The following NSFL1C variants were observed in gnomAD, a reference collection of about 807,000 sequenced individuals.
NSFL1C encodes the protein NSFL1 cofactor.
Under a neutral mutation model 43.1 loss-of-function variants are expected in NSFL1C, and 14 were observed. The ratio of observed to expected loss-of-function variants is 0.32; its 90% CI spans 0.21 to 0.51. The LOEUF is 0.51. Ranked by LOEUF, NSFL1C falls within the 20% of genes least tolerant of loss-of-function variation. NSFL1C has a pLI of 0.98. For missense variants in NSFL1C, 406 were observed against 472.5 expected (o/e 0.86, Z 1.30); for synonymous variants, 171 against 183.5 (o/e 0.93, Z 0.55).
rs191062320 is a variant in NSFL1C, at chr20:1,455,812, C to T, written c.279-680G>A. 2.1e-5 allele frequency: 16 copies of T among 770,592 alleles called. No individual in the cohort carries two copies. The East Asian group carries it at 2.2e-4, about 11-fold the overall frequency. The allele number at this position is 770,592 out of a possible 1,614,324, so 47.7% of individuals were successfully genotyped here. On this transcript the variant is annotated intron_variant, in intron 3 of 8. Transcript: ENST00000216879. Reference sequence around the variant, plus strand: ...ACAGGTAAGGTGGTGTGACACAGCACCAGGAGCTCCCCCAAGCCTCACCTC... The same window carrying T: ...ACAGGTAAGGTGGTGTGACACAGCATCAGGAGCTCCCCCAAGCCTCACCTC...
chr20:1,462,670 T>C (rs2090436610), intron 2 of NSFL1C, among the ~76,000 whole-genome samples: 1 of 152,026 alleles, frequency 6.6e-6, no homozygotes. Flanking sequence ...GACAGGCTCC[T>C]GCCACCACAC....
intron 6 of NSFL1C, 142 bp from the exon 7 acceptor site, chr20:1,452,772 T>A: frequency 1.9e-6 from 2 of 1,028,054 alleles, no homozygotes; most frequent in Non-Finnish European, 2.8e-6. Flanking sequence ...GGTGGCTACC[T>A]GTCTGCCTCC....
At chr20:1,460,691 C>T (rs1309511771) in intron 2 of NSFL1C, among the ~76,000 whole-genome samples, 5 of 152,174 alleles carry the variant, frequency 3.3e-5, no homozygotes, top group Non-Finnish European at 7.3e-5. Flanking sequence ...CACTGTCCAA[C>T]AGAGAAGCCA....
At chr20:1,463,999 C>T (rs938353311) in intron 2 of NSFL1C, 7 of 276,242 alleles carry the variant, frequency 2.5e-5, no homozygotes, top group Admixed American at 1.0e-4. Context: ...TAAACTTTCA[C>T]ATCTATAGCA....
intron 7 of NSFL1C, among the ~76,000 whole-genome samples, chr20:1,447,980 C>A (rs1329036854): frequency 2.6e-5 from 4 of 152,212 alleles, no homozygotes; most frequent in Admixed American, 2.6e-4. Context: ...AGTATATATT[C>A]TGTGTATTCC....
chr20:1,448,416 C>T (rs1172908219), intron 7 of NSFL1C, among the ~76,000 whole-genome samples: 6 of 152,170 alleles, frequency 3.9e-5, no homozygotes, highest in East Asian at 1.9e-4. Flanking sequence ...ATAATGTGCA[C>T]GCAAGGCCTG....
In NSFL1C at chr20:1,443,653, T is replaced by C; in HGVS notation, c.*96A>G. ...TGGAGGAGACGTTGCACTGGACTGC[T>C]GGGTGTGCACAAGGGGGCAGGAGGG... On this transcript the variant is annotated 3_prime_UTR_variant, in exon 9 of 9. Coordinates refer to ENST00000216879, the MANE Select transcript of NSFL1C (RefSeq NM_016143.5). The C allele has an allele frequency of 7.6e-7, 1 of 1,314,672 alleles. No individual in the cohort carries two copies. Among genetic ancestry groups the C allele is most frequent in the Non-Finnish European group, 1.1e-6 (1 of 928,952 alleles). The allele number at this position is 1,314,672 out of a possible 1,614,324, so 81.4% of individuals were successfully genotyped here.
At position 1,453,067 on chromosome 20, in the gene NSFL1C, G is replaced by A. The variant is rs759792105; in HGVS notation, c.611C>T (p.Pro204Leu). 8 of 1,613,082 alleles carry A rather than the reference G, an allele frequency of 5.0e-6. No individual in the cohort carries two copies. Among genetic ancestry groups the A allele is most frequent in the African/African-American group, 1.3e-5 (1 of 74,906 alleles). Residue 204 changes from proline to leucine, a missense_variant, in exon 6 of 9, where the codon CCA becomes CTA. By Grantham distance (98) the Pro-to-Leu change is moderately conservative. Around this residue, in one of 3 missense-constraint regions of NSFL1C, gnomAD observed 196 missense variants for 228.0 expected, o/e 0.86. Transcript: ENST00000216879. Reference protein sequence around the residue: ...DNGELRSYQDPSNAQFLESIR... With the variant: ...DNGELRSYQDLSNAQFLESIR... Reference sequence around the variant, plus strand: ...AGACTCCAGAAACTGGGCATTGGATGGGTCTTGGTAGCTTCTGAGTTCTCC... The same window carrying A: ...AGACTCCAGAAACTGGGCATTGGATAGGTCTTGGTAGCTTCTGAGTTCTCC...
chr20:1,465,704 T>C (rs948463318), intron 1 of NSFL1C, among the ~76,000 whole-genome samples: 1 of 152,198 alleles, frequency 6.6e-6, no homozygotes, highest in African/African-American at 2.4e-5. Flanking sequence ...ATGGGTCTAG[T>C]CTTTACCTCA....
At chr20:1,461,988 A>G (rs1366495655) in intron 2 of NSFL1C, among the ~76,000 whole-genome samples, 1 of 152,190 alleles carries the variant, frequency 6.6e-6, no homozygotes, top group Non-Finnish European at 1.5e-5. Context: ...CTCTCTTGCC[A>G]CAAAAGATAC....
chr20:1,455,900 G>A (rs1309872990), intron 3 of NSFL1C: 1 of 648,874 alleles, frequency 1.5e-6, no homozygotes, highest in Non-Finnish European at 2.8e-6. Flanking sequence ...GGTCAGAGAA[G>A]CTCCAATCTC....
Position 1,445,771 on chromosome 20 carries a change from T to A in NSFL1C, c.845A>T (p.Lys282Ile). 6.2e-7 allele frequency: 1 copy of A among 1,614,020 alleles called. No homozygotes were observed. Among genetic ancestry groups the A allele is most frequent in the Non-Finnish European group, 8.5e-7 (1 of 1,179,988 alleles). ...GTCGATTAAGATGGAAGAGCTGGCT[T>A]TGGCTTCATTTTCTGCCTGTTGGGC... ...SPAQQAENEA[K>I]ASSSILIDES... The change falls in exon 8 of 9, where the codon AAA becomes ATA. Residue 282 changes from lysine to isoleucine, a missense_variant. By Grantham distance (102) the Lys-to-Ile change is moderately radical. Coordinates refer to ENST00000216879, the MANE Select transcript of NSFL1C (RefSeq NM_016143.5).
At chr20:1,445,922 A>G in intron 7 of NSFL1C, 92 bp from the exon 8 acceptor site, 47 of 1,357,354 alleles carry the variant, frequency 3.5e-5, no homozygotes, top group Non-Finnish European at 4.7e-5. Context: ...AGCATTTGCA[A>G]TGCGCCTGGC....
intron 7 of NSFL1C, 113 bp from the exon 8 acceptor site, chr20:1,445,943 G>T (rs1244166457): frequency 1.7e-6 from 2 of 1,155,468 alleles, no homozygotes; most frequent in Non-Finnish European, 2.5e-6. Flanking sequence ...ATTGTTTGGT[G>T]CTGCTGATCT....
chr20:1,453,138 A>G lies in NSFL1C; in HGVS notation c.540T>C (p.Val180=). ...TCTTCCAGAGTTTCAATACTACATG[A>G]ACCTGTGATGACAGGGAGTAAACAG... ...GEKRQHSSQD[V]HVVLKLWKSG... Residue 180 remains valine, a splice_region_variant and synonymous_variant, in exon 6 of 9, where the codon GTT becomes GTC. Coordinates refer to ENST00000216879, the MANE Select transcript of NSFL1C (RefSeq NM_016143.5). 6.4e-7 allele frequency: 1 copy of G among 1,565,940 alleles called. No individual in the cohort carries two copies. Among genetic ancestry groups the G allele is most frequent in the Non-Finnish European group, 8.8e-7 (1 of 1,136,162 alleles).
At chr20:1,458,425 T>C (rs947617381) in intron 2 of NSFL1C, 151 bp from the exon 3 acceptor site, 18 of 611,820 alleles carry the variant, frequency 2.9e-5, no homozygotes, top group African/African-American at 2.4e-4. Flanking sequence ...CCCCTAAGAT[T>C]ACACATAAAA....
chr20:1,453,257 G>C, intron 5 of NSFL1C, 117 bp from the exon 6 acceptor site: 2 of 676,434 alleles, frequency 3.0e-6, no homozygotes, highest in Admixed American at 2.2e-5. Context: ...CACACATAGA[G>C]ACACACATAT....
chr20:1,458,945 T>A (rs924821848), intron 2 of NSFL1C, among the ~76,000 whole-genome samples: 3 of 152,334 alleles, frequency 2.0e-5, no homozygotes, highest in East Asian at 3.9e-4. Flanking sequence ...TTGTATGGGA[T>A]GGGCACAACT....
intron 7 of NSFL1C, chr20:1,446,156 T>G (rs1224580148): frequency 1.1e-5 from 5 of 453,820 alleles, no homozygotes; most frequent in African/African-American, 2.0e-5. Flanking sequence ...CAGCCTAGGG[T>G]GGGAGAGACA....
Sources: gnomAD v4.1 joint callset for allele counts (sites outside exome capture counted in the v4.1 genomes callset) on GRCh38, gnomAD v4.1.1 for gene constraint, gnomAD v4.1.1 regional missense constraint, MANE v1.5 for transcripts, NCBI Gene and HGNC (gene_info 2026-07-23, HGNC 2026-07-21) for gene names.